The following CHRDL1 variants were observed in gnomAD, a reference collection of about 807,000 sequenced individuals.
The protein encoded by CHRDL1 is chordin-like protein 1.
A neutral mutation model predicts 40.9 loss-of-function variants in CHRDL1; 19 were observed. The ratio of observed to expected loss-of-function variants is 0.46; its 90% confidence interval spans 0.32 to 0.68. The LOEUF (loss-of-function observed/expected upper bound fraction) is 0.68. CHRDL1 is among the 30% of genes least tolerant of loss of function. The pLI, the probability that CHRDL1 is intolerant of heterozygous loss-of-function variation, is 0.03. For missense variants in CHRDL1, 329 were observed against 352.1 expected (o/e 0.93, Z 0.53); for synonymous variants, 136 against 123.4 (o/e 1.10, Z -0.68).
intron 4 of CHRDL1, among the ~76,000 whole-genome samples, chrX:110,758,772 T>C (rs780042383): frequency 1.8e-5 from 2 of 111,922 alleles, no homozygotes; most frequent in Admixed American, 9.5e-5. Flanking sequence ...TTTACAAATA[T>C]ACATAGTTAC....
At chrX:110,689,622 C>A (rs761029102) in intron 8 of CHRDL1, among the ~76,000 whole-genome samples, 14 of 19,263 alleles carry the variant, frequency 7.3e-4, no homozygotes, top group Admixed American at 2.9e-3. Context: ...ATCTATATAT[C>A]TATATATCTA....
chrX:110,764,658 G>A (rs1018463903), intron 2 of CHRDL1, among the ~76,000 whole-genome samples: 4 of 111,775 alleles, frequency 3.6e-5, no homozygotes, highest in Non-Finnish European at 7.5e-5. Flanking sequence ...CTGACTGCCT[G>A]TAGGGTCAGG....
At chrX:110,715,959 C>A (rs981686320) in intron 6 of CHRDL1, among the ~76,000 whole-genome samples, 2 of 112,433 alleles carry the variant, frequency 1.8e-5, no homozygotes, top group African/African-American at 6.5e-5. Flanking sequence ...TACACACACA[C>A]ATTGTGAGAA....
rs146378014 is a variant in CHRDL1 at position 110,684,990 on chromosome X, C to T, written c.989-3341G>A. Among the ~76,000 whole-genome samples the T allele has an allele frequency of 3.6e-3, 407 of 112,082 alleles. 2 individuals carry two copies. Among genetic ancestry groups the T allele is most frequent in the African/African-American group, 0.012 (371 of 30,801 alleles). On this transcript the variant is annotated intron_variant, in intron 9 of 11. Transcript: ENST00000372042. ...TGGGAAAGTGGGAAAAGCAGCTCTT[C>T]CAGAAAAATCGGTTTAATCATTCAG...
chrX:110,773,556 G>A (rs1333368410), intron 2 of CHRDL1, among the ~76,000 whole-genome samples: 3 of 109,138 alleles, frequency 2.7e-5, no homozygotes, highest in Admixed American at 9.8e-5. Flanking sequence ...GTGAAATCCC[G>A]TCTCTACTAA....
intron 6 of CHRDL1, 73 bp downstream of exon 6, chrX:110,719,762 G>A: frequency 3.3e-6 from 2 of 604,407 alleles, no homozygotes; most frequent in Non-Finnish European, 5.3e-6. Flanking sequence ...CATTAGACAG[G>A]TATTTTCCTC....
chrX:110,685,209 C>T (rs1487097660), intron 9 of CHRDL1, among the ~76,000 whole-genome samples: 1 of 112,177 alleles, frequency 8.9e-6, no homozygotes, highest in Admixed American at 9.4e-5. Context: ...TTGCCGTATG[C>T]TCCTCCAGTC....
At chrX:110,741,063 G>A (rs185412177) in intron 4 of CHRDL1, among the ~76,000 whole-genome samples, 1 of 111,691 alleles carries the variant, frequency 9.0e-6, no homozygotes, top group Non-Finnish European at 1.9e-5. Flanking sequence ...ACAGATCCAT[G>A]GAGGGTCTGG....
At chrX:110,692,699 C>T (rs1288012119) in intron 8 of CHRDL1, among the ~76,000 whole-genome samples, 1 of 112,539 alleles carries the variant, frequency 8.9e-6, no homozygotes, top group African/African-American at 3.2e-5. Context: ...ACAAATCAAA[C>T]ACAGATCGAT....
intron 4 of CHRDL1, among the ~76,000 whole-genome samples, chrX:110,727,808 A>G (rs2071084736): frequency 8.9e-6 from 1 of 112,158 alleles, no homozygotes; most frequent in Admixed American, 9.5e-5. Flanking sequence ...ATACATATAT[A>G]TTTGACCCAA....
intron 4 of CHRDL1, among the ~76,000 whole-genome samples, chrX:110,749,149 T>C (rs899894874): frequency 2.7e-5 from 3 of 111,454 alleles, no homozygotes; most frequent in African/African-American, 9.8e-5. Context: ...TAAAAGAATA[T>C]ATTATATAAA....
At chrX:110,704,734 G>A (rs1158940669) in intron 6 of CHRDL1, among the ~76,000 whole-genome samples, 1 of 111,152 alleles carries the variant, frequency 9.0e-6, no homozygotes, top group Admixed American at 9.7e-5. Context: ...GCAGTAGTGG[G>A]TCTGGGCCAA....
rs777481051 is a variant in CHRDL1 at position 110,731,499 on chromosome X, C to CA, written c.302-9970dup. Among the ~76,000 whole-genome samples, 41 of 110,610 alleles carry CA rather than the reference C, an allele frequency of 3.7e-4. No individual in the cohort carries two copies. In the East Asian group the frequency reaches 9.9e-3, roughly 27 times the overall value. Reference sequence around the variant, plus strand: ...CCAATTCCACTCCCAGGTATATACACAAAAAAATTGAAAGAAGGAACTGAA... The same window carrying CA: ...CCAATTCCACTCCCAGGTATATACACAAAAAAAATTGAAAGAAGGAACTGAA... On this transcript the variant is annotated intron_variant, in intron 4 of 11. Coordinates refer to ENST00000372042, the MANE Select transcript of CHRDL1 (RefSeq NM_001143981.2).
chrX:110,690,906 G>C (rs971271498), intron 8 of CHRDL1, among the ~76,000 whole-genome samples: 3 of 111,100 alleles, frequency 2.7e-5, no homozygotes, highest in African/African-American at 6.6e-5. Context: ...TCTTCTGAAG[G>C]ACCTTAAAAG....
rs979891952 is a variant in CHRDL1, at chrX:110,756,396, G to A, written c.301+3265C>T. ...GCAAGTGGCTTCCCATGTGAAGTTG[G>A]GGACTAGGGTCACACTACTCGCATG... On this transcript the variant is annotated intron_variant, in intron 4 of 11. Coordinates refer to ENST00000372042, the MANE Select transcript of CHRDL1 (RefSeq NM_001143981.2). Among the ~76,000 whole-genome samples the A allele has an allele frequency of 3.0e-4, 33 of 111,159 alleles. No individual in the cohort carries two copies. The East Asian group carries it at 7.7e-3, about 26-fold the overall frequency.
In CHRDL1 at chrX:110,681,472, TCTTG is replaced by T; in HGVS notation, c.1156+6_1156+9del. The T allele has an allele frequency of 5.0e-6, 6 of 1,196,425 alleles. No homozygotes were observed. Among genetic ancestry groups the T allele is most frequent in the Non-Finnish European group, 6.8e-6 (6 of 883,886 alleles). On this transcript the variant is annotated splice_donor_region_variant and intron_variant, in intron 10 of 11. Coordinates refer to ENST00000372042, the MANE Select transcript of CHRDL1 (RefSeq NM_001143981.2). ...TTACAAAGATGAGAAATTAATGTTG[TCTTG>T]CTCACCCTTTCGAATAGTCCAAACG...
At chrX:110,694,635 C>T (rs1352359125) in intron 7 of CHRDL1, among the ~76,000 whole-genome samples, 1 of 112,257 alleles carries the variant, frequency 8.9e-6, no homozygotes, top group Non-Finnish European at 1.9e-5. Context: ...AAGCGTCCTT[C>T]CTGCTGCCAA....
At chrX:110,743,770 T>G (rs1485430982) in intron 4 of CHRDL1, among the ~76,000 whole-genome samples, 1 of 111,966 alleles carries the variant, frequency 8.9e-6, no homozygotes, top group Non-Finnish European at 1.9e-5. Context: ...AAGGGCTCCC[T>G]AGGGTTCCTC....
intron 8 of CHRDL1, among the ~76,000 whole-genome samples, chrX:110,689,879 CTATATATCTATATATCTA>C (rs1569462417): frequency 1.7e-4 from 6 of 34,828 alleles, no homozygotes; most frequent in East Asian, 5.2e-4. Flanking sequence ...CTATATATAT[CTATATATCTATATATCTA>C]TATATATCTA....
Sources: gnomAD v4.1 joint callset for allele counts (sites outside exome capture counted in the v4.1 genomes callset) on GRCh38, gnomAD v4.1.1 for gene constraint, MANE v1.5 for transcripts, NCBI Gene and HGNC (gene_info 2026-07-23, HGNC 2026-07-21) for gene names.